Variants in LIMCH1 observed in about 807,000 individuals in gnomAD.
LIMCH1 encodes LIM and calponin homology domains-containing protein 1.
Under a neutral mutation model 176.5 loss-of-function variants are expected in LIMCH1, and 113 were observed. The ratio of observed to expected loss-of-function variants is 0.64; its 90% confidence interval spans 0.55 to 0.75. The LOEUF (loss-of-function observed/expected upper bound fraction) is 0.75, where lower values mean the gene tolerates loss of function less well. Among genes scored for constraint, LIMCH1 ranks in the 30% least tolerant of loss-of-function variants. The pLI is 0.00. For missense variants in LIMCH1, 1,674 were observed against 1,814.9 expected (o/e 0.92, Z 1.41); for synonymous variants, 619 against 645.9 (o/e 0.96, Z 0.63).
At position 41,529,004 on chromosome 4, in the gene LIMCH1, T is replaced by C. The variant is rs145258808; in HGVS notation, c.237+4526T>C. Among the ~76,000 whole-genome samples, 621 of 152,284 alleles carry C rather than the reference T, an allele frequency of 4.1e-3. 2 individuals are homozygous for C. Among genetic ancestry groups the C allele is most frequent in the African/African-American group, 0.015 (603 of 41,550 alleles). ...CAACGATTGCTGACATATGAAGCCGTGTGGTGACTGCCTGCAGATGCTTGC... is the reference window on the plus strand; with the variant it reads ...CAACGATTGCTGACATATGAAGCCGCGTGGTGACTGCCTGCAGATGCTTGC... On this transcript the variant is annotated intron_variant, in intron 3 of 26. Transcript: ENST00000313860.
chr4:41,550,103 C>T (rs911959272), intron 1 of LIMCH1, among the ~76,000 whole-genome samples: 9 of 151,670 alleles, frequency 5.9e-5, no homozygotes, highest in Admixed American at 3.9e-4. Context: ...AGACGGCAGG[C>T]TTCACCCCCA....
chr4:41,420,085 GCAAGC>G (rs1192938338), intron 1 of LIMCH1, among the ~76,000 whole-genome samples: 14 of 152,222 alleles, frequency 9.2e-5, no homozygotes, highest in Admixed American at 9.2e-4. Context: ...GGTGCTCTAG[GCAAGC>G]TTCTCTGTGG....
chr4:41,432,555 C>T (rs2061695242), intron 1 of LIMCH1, among the ~76,000 whole-genome samples: 1 of 152,178 alleles, frequency 6.6e-6, no homozygotes, highest in African/African-American at 2.4e-5. Flanking sequence ...ACAACTTTCT[C>T]AATAAATTGT....
intron 21 of LIMCH1, among the ~76,000 whole-genome samples, chr4:41,668,824 G>A (rs1399627280): frequency 6.6e-6 from 1 of 152,198 alleles, no homozygotes; most frequent in African/African-American, 2.4e-5. Context: ...GAAGATGAAG[G>A]AAGAGCAACG....
intron 1 of LIMCH1, among the ~76,000 whole-genome samples, chr4:41,466,984 G>A (rs1231037517): frequency 2.0e-5 from 3 of 151,844 alleles, no homozygotes; most frequent in African/African-American, 4.8e-5. Context: ...TCTATGAATC[G>A]GAATACTCTA....
Position 41,531,515 on chromosome 4 carries a change from C to CAT in LIMCH1, c.237+7039_237+7040dup, listed in dbSNP as rs1554087021. ...ACACACACACACACACACACACACACATACACACCTTATACTTGCCAACTC... is the reference window on the plus strand; with the variant it reads ...ACACACACACACACACACACACACACATATACACACCTTATACTTGCCAACTC... On this transcript the variant is annotated intron_variant, in intron 3 of 26. Coordinates refer to the LIMCH1 transcript ENST00000313860. 6.0e-3 allele frequency among the ~76,000 whole-genome samples: 636 copies of CAT among 105,876 alleles called. 2 individuals are homozygous for CAT. Among genetic ancestry groups the CAT allele is most frequent in the South Asian group, 0.015 (32 of 2,142 alleles). 69.5% of individuals were successfully genotyped at this position (105,876 alleles called of 152,430 possible). A position where few individuals can be genotyped will look rare whatever the true frequency, so the allele number is the denominator to read the frequency against.
chr4:41,402,303 A>T (rs374068152), intron 1 of LIMCH1, among the ~76,000 whole-genome samples: 1 of 151,816 alleles, frequency 6.6e-6, no homozygotes, highest in Admixed American at 6.6e-5. Flanking sequence ...TTAGAATGGC[A>T]ATCATTAAAA....
chr4:41,637,500 A>G (rs1021299509), intron 13 of LIMCH1, among the ~76,000 whole-genome samples: 1 of 152,192 alleles, frequency 6.6e-6, no homozygotes, highest in South Asian at 2.1e-4. Context: ...CACTCTCTCA[A>G]TGTGAAAGAA....
intron 1 of LIMCH1, among the ~76,000 whole-genome samples, chr4:41,365,205 A>T (rs1056356444): frequency 3.3e-5 from 5 of 152,246 alleles, no homozygotes; most frequent in Non-Finnish European, 7.3e-5. Flanking sequence ...GAGTGTGCCC[A>T]TGGGGCTTGG....
At chr4:41,425,110 A>T (rs2060951336) in intron 1 of LIMCH1, among the ~76,000 whole-genome samples, 1 of 152,186 alleles carries the variant, frequency 6.6e-6, no homozygotes, top group African/African-American at 2.4e-5. Flanking sequence ...CCTGATACAA[A>T]TTGGTTCTTA....
chr4:41,499,317 C>A (rs1173417514), intron 2 of LIMCH1, among the ~76,000 whole-genome samples: 4 of 152,130 alleles, frequency 2.6e-5, no homozygotes, highest in Non-Finnish European at 5.9e-5. Context: ...TGTATATATG[C>A]CTCTTTTTCC....
Position 41,587,323 on chromosome 4 carries a change from T to G in LIMCH1, c.-240-11597T>G, listed in dbSNP as rs188458876. On this transcript the variant is annotated intron_variant, in intron 1 of 31. Transcript: ENST00000503057. ...CTCCTCCCTGGCCAAGGATTCACGG[T>G]CTTTCTATCCTCTTTCATTAGCTAC... Among the ~76,000 whole-genome samples the G allele has an allele frequency of 1.1e-3, 171 of 152,262 alleles. 1 individual carries two copies. The highest frequency in any genetic ancestry group is 4.1e-3 in the African/African-American group (169 of 41,552).
chr4:41,570,332 A>G (rs938528910), intron 1 of LIMCH1, among the ~76,000 whole-genome samples: 3 of 152,262 alleles, frequency 2.0e-5, no homozygotes, highest in Non-Finnish European at 2.9e-5. Context: ...TTAAAGAAAT[A>G]CTTTCAAAAC....
intron 2 of LIMCH1, among the ~76,000 whole-genome samples, chr4:41,519,454 T>A (rs777237704): frequency 1.4e-5 from 2 of 146,986 alleles, no homozygotes; most frequent in Non-Finnish European, 2.9e-5. Context: ...TTAACATTTA[T>A]TTTTGATTAC....
intron 4 of LIMCH1, 87 bp downstream of exon 4, chr4:41,606,091 C>T: frequency 1.1e-6 from 1 of 894,480 alleles, no homozygotes; most frequent in Non-Finnish European, 1.8e-6. Flanking sequence ...TACTAGAGTA[C>T]TGGGTTGTGG....
chr4:41,601,453 G>A (rs1043667495), intron 2 of LIMCH1, among the ~76,000 whole-genome samples: 6 of 152,120 alleles, frequency 3.9e-5, no homozygotes, highest in African/African-American at 1.4e-4. Flanking sequence ...AGATCTGTGG[G>A]GCATTCAGGA....
intron 13 of LIMCH1, 65 bp downstream of exon 13, chr4:41,633,873 A>G: frequency 1.3e-6 from 2 of 1,482,078 alleles, no homozygotes; most frequent in Non-Finnish European, 1.8e-6. Context: ...GTGTGTTCTT[A>G]ATGCATTATG....
At chr4:41,553,547 G>A (rs2152523984) in intron 1 of LIMCH1, among the ~76,000 whole-genome samples, 1 of 152,174 alleles carries the variant, frequency 6.6e-6, no homozygotes, top group East Asian at 1.9e-4. Context: ...GGGATGAGGA[G>A]GGCAGGGAGA....
In LIMCH1 at chr4:41,384,497, C is replaced by T. The variant is rs530393708; in HGVS notation, c.96+23561C>T. On this transcript the variant is annotated intron_variant, in intron 1 of 26. Transcript: ENST00000313860. ...TGCTGGGATTACAGGCGTGAGCCAC[C>T]GCGCCCGGCCTACATCGTGCTTTCT... 5.3e-5 allele frequency among the ~76,000 whole-genome samples: 8 copies of T among 152,250 alleles called. No individual in the cohort carries two copies. In the South Asian group the frequency reaches 8.3e-4, roughly 16 times the overall value.
Sources: gnomAD v4.1 joint callset for allele counts (sites outside exome capture counted in the v4.1 genomes callset) on GRCh38, gnomAD v4.1.1 for gene constraint, MANE v1.5 for transcripts, NCBI Gene and HGNC (gene_info 2026-07-23, HGNC 2026-07-21) for gene names.